CFLAR: variants seen among roughly 807,000 people sequenced by gnomAD.
The protein encoded by CFLAR is CASP8 and FADD like apoptosis regulator, also known as CASP8 and FADD-like apoptosis regulator.
CFLAR carries 14 observed loss-of-function variants against 51.1 expected under a neutral mutation model. The ratio of observed to expected loss-of-function variants is 0.27; its 90% confidence interval spans 0.18 to 0.43. The LOEUF (loss-of-function observed/expected upper bound fraction) is 0.43, where lower values mean the gene tolerates loss of function less well. Among genes scored for constraint, CFLAR ranks in the 20% least tolerant of loss-of-function variants. The pLI is 1.00. For missense variants in CFLAR, 390 were observed against 566.5 expected (o/e 0.69, Z 3.16); for synonymous variants, 210 against 211.6 (o/e 0.99, Z 0.06).
In CFLAR at chr2:201,171,612, G is replaced by A. The variant is rs1479644514; in HGVS notation, c.*7639G>A. On this transcript the variant is annotated 3_prime_UTR_variant, in exon 10 of 10. Coordinates refer to ENST00000309955, the MANE Select transcript of CFLAR (RefSeq NM_003879.7). ...ACCACCATGGGACACGTTTACCTAT[G>A]TAACAAACCCGCACATCCTGCACTT... is the stretch of plus-strand genomic sequence containing the variant. The A allele has an allele frequency of 6.6e-6, 1 of 150,888 alleles. No homozygotes were observed. Among genetic ancestry groups the A allele is most frequent in the Non-Finnish European group, 1.5e-5 (1 of 67,896 alleles). 9.3% of individuals were successfully genotyped at this position (150,888 alleles called of 1,614,324 possible).
rs1378711700 is a variant in CFLAR at position 201,170,491 on chromosome 2, T to G, written c.*6518T>G. On this transcript the variant is annotated 3_prime_UTR_variant, in exon 10 of 10. Transcript: ENST00000309955. ...ACTGTTTTATTCACTTGCTGATAAT[T>G]CAGCCTAATCCAGTTTGACATCATA... 6.6e-6 allele frequency: 1 copy of G among 152,252 alleles called. No individual in the cohort carries two copies. Among genetic ancestry groups the G allele is most frequent in the Admixed American group, 6.5e-5 (1 of 15,282 alleles). 9.4% of individuals were successfully genotyped at this position (152,252 alleles called of 1,614,324 possible).
chr2:201,169,515 C>A lies in CFLAR; in HGVS notation c.*5542C>A, dbSNP rs113060487. ...AACTATAAAAACCCTAGAAGAAAAT[C>A]TATTTAATACCATTCAAGACATAGG... On this transcript the variant is annotated 3_prime_UTR_variant, in exon 10 of 10. Transcript: ENST00000309955. 0.015 allele frequency: 2,252 copies of A among 152,252 alleles called. 30 individuals are homozygous for A. Among genetic ancestry groups the A allele is most frequent in the Middle Eastern group, 0.044 (13 of 294 alleles). 9.4% of individuals were successfully genotyped at this position (152,252 alleles called of 1,614,324 possible). A position where few individuals can be genotyped will look rare whatever the true frequency, so the allele number is the denominator to read the frequency against.
chr2:201,143,188 A>G (rs1464780035), intron 5 of CFLAR, among the ~76,000 whole-genome samples: 1 of 152,184 alleles, frequency 6.6e-6, no homozygotes, highest in African/African-American at 2.4e-5. Flanking sequence ...TATATTTAAT[A>G]TGTGACCCTA....
rs1284910418 is a variant in CFLAR, at chr2:201,153,197, T to A, written c.793+3362T>A. Reference sequence around the variant, plus strand: ...AATCAGTAATTGGGCTTGAGGCCACTTATAAACCCCCCTGGGCTCAGGTGG... The same window carrying A: ...AATCAGTAATTGGGCTTGAGGCCACATATAAACCCCCCTGGGCTCAGGTGG... On this transcript the variant is annotated intron_variant, in intron 8 of 9. Transcript: ENST00000309955. 7 of 152,336 alleles carry A rather than the reference T, an allele frequency of 4.6e-5. No individual in the cohort carries two copies. The East Asian group carries it at 1.3e-3, about 29-fold the overall frequency. 9.4% of individuals were successfully genotyped at this position (152,336 alleles called of 1,614,324 possible). A position where few individuals can be genotyped will look rare whatever the true frequency, so the allele number is the denominator to read the frequency against.
At chr2:201,136,706 G>C (rs1575688614) in intron 4 of CFLAR, 2 of 689,090 alleles carry the variant, frequency 2.9e-6, no homozygotes, top group East Asian at 6.2e-5. Flanking sequence ...GCATGGCTGA[G>C]ACTCATTGAT....
At chr2:201,135,555 AGG>A (rs1251251012) in intron 3 of CFLAR, among the ~76,000 whole-genome samples, 1 of 152,204 alleles carries the variant, frequency 6.6e-6, no homozygotes, top group Non-Finnish European at 1.5e-5. Context: ...GGTCACTGAA[AGG>A]GCTCATCTTG....
rs1940757566 is a variant in CFLAR at position 201,148,846 on chromosome 2, G to A, written c.662-157G>A. ...TCTTATGTCACTTTCTTCAGTGTGA[G>A]GTTGAAACCTTGGGGCCAAGTATAG... On this transcript the variant is annotated intron_variant, in intron 6 of 9. Transcript: ENST00000309955. The A allele has an allele frequency of 6.9e-6, 4 of 581,358 alleles. No homozygotes were observed. The Admixed American group carries it at 8.7e-5, about 13-fold the overall frequency. 36.0% of individuals were successfully genotyped at this position (581,358 alleles called of 1,614,324 possible).
chr2:201,120,360 C>A (rs1161712358), intron 1 of CFLAR, among the ~76,000 whole-genome samples: 1 of 152,098 alleles, frequency 6.6e-6, no homozygotes, highest in Non-Finnish European at 1.5e-5. Context: ...GTCTCCACTT[C>A]TAGCCACTTT....
intron 9 of CFLAR, chr2:201,162,857 G>A: frequency 1.7e-6 from 1 of 578,874 alleles, no homozygotes; most frequent in Non-Finnish European, 3.1e-6. Context: ...TTTAATGTAT[G>A]CACAATAGCC....
At chr2:201,136,608 A>G (rs939237328) in intron 4 of CFLAR, 1 of 1,436,994 alleles carries the variant, frequency 7.0e-7, no homozygotes, top group Non-Finnish European at 9.1e-7. Context: ...CTTCTGCTTT[A>G]CTTGCATTCC....
In CFLAR at chr2:201,170,342, T is replaced by A. The variant is rs1013391427; in HGVS notation, c.*6369T>A. ...TCTTTTAATTGGTTATTACTGAACG[T>A]GAAAAAGTAATGTTTGTATTGAAAT... On this transcript the variant is annotated 3_prime_UTR_variant, in exon 10 of 10. Coordinates refer to ENST00000309955, the MANE Select transcript of CFLAR (RefSeq NM_003879.7). 2.6e-5 allele frequency: 4 copies of A among 152,188 alleles called. No homozygotes were observed. The highest frequency in any genetic ancestry group is 1.3e-4 in the Admixed American group (2 of 15,282). 9.4% of individuals were successfully genotyped at this position (152,188 alleles called of 1,614,324 possible). A position where few individuals can be genotyped will look rare whatever the true frequency, so the allele number is the denominator to read the frequency against.
Position 201,174,023 on chromosome 2 carries a change from C to T in CFLAR, c.*10050C>T, listed in dbSNP as rs966461397. ...AGCATTCTTTTTAATATTCTGGATA[C>T]TAGTTTCTTATCAGGTACAATCTTT... On this transcript the variant is annotated 3_prime_UTR_variant, in exon 10 of 10. Transcript: ENST00000309955. 9 of 152,200 alleles carry T rather than the reference C, an allele frequency of 5.9e-5. No individual in the cohort carries two copies. Among genetic ancestry groups the T allele is most frequent in the Non-Finnish European group, 1.0e-4 (7 of 68,038 alleles). The allele number at this position is 152,200 out of a possible 1,614,324, so 9.4% of individuals were successfully genotyped here. A position where few individuals can be genotyped will look rare whatever the true frequency, so the allele number is the denominator to read the frequency against.
intron 8 of CFLAR, 44 bp downstream of exon 8, chr2:201,149,879 A>G (rs1176309180): frequency 7.1e-7 from 1 of 1,413,030 alleles, no homozygotes; most frequent in Admixed American, 1.7e-5. Flanking sequence ...CCAGATTGAG[A>G]TCATGGCACA....
At chr2:201,130,442 A>G (rs1158511253) in intron 2 of CFLAR, among the ~76,000 whole-genome samples, 6 of 140,318 alleles carry the variant, frequency 4.3e-5, no homozygotes, top group African/African-American at 1.6e-4. Flanking sequence ...GCTCACTGCA[A>G]CCTCCGCCTT....
intron 1 of CFLAR, chr2:201,122,802 A>C (rs1434624949): frequency 2.6e-5 from 4 of 152,382 alleles, no homozygotes; most frequent in Non-Finnish European, 5.9e-5. Context: ...TGCTTGAGTG[A>C]AGTTGCTGGG....
intron 4 of CFLAR, chr2:201,136,581 A>G (rs2050161303): frequency 6.2e-6 from 9 of 1,451,030 alleles, no homozygotes; most frequent in Non-Finnish European, 6.3e-6. Context: ...GATAAAAGGG[A>G]CCAGATTCAC....
At chr2:201,161,905 C>T (rs938999856) in intron 9 of CFLAR, among the ~76,000 whole-genome samples, 2 of 151,720 alleles carry the variant, frequency 1.3e-5, no homozygotes, top group African/African-American at 4.8e-5. Flanking sequence ...CGCCATCACA[C>T]CTGGCTAATT....
Position 201,160,591 on chromosome 2 carries a change from C to T in CFLAR, c.953C>T (p.Ser318Phe). 1 of 1,613,986 alleles carries T rather than the reference C, an allele frequency of 6.2e-7. No individual in the cohort carries two copies. Among genetic ancestry groups the T allele is most frequent in the South Asian group, 1.1e-5 (1 of 91,058 alleles). ...FVCVLVSRGG[S>F]QSVYGVDQTH... ...TGTGTCCTGGTGAGCCGAGGAGGCTCCCAGAGTGTGTATGGTGTGGATCAG... is the reference window on the plus strand; with the variant it reads ...TGTGTCCTGGTGAGCCGAGGAGGCTTCCAGAGTGTGTATGGTGTGGATCAG... Residue 318 changes from serine (S) to phenylalanine (F), a missense_variant, in exon 9 of 10, where the codon TCC (serine) becomes TTC (phenylalanine). By Grantham distance (155) the Ser-to-Phe change is radical. Coordinates refer to ENST00000309955, the MANE Select transcript of CFLAR (RefSeq NM_003879.7).
intron 8 of CFLAR, among the ~76,000 whole-genome samples, chr2:201,158,170 G>A (rs1031156081): frequency 3.3e-5 from 5 of 152,206 alleles, no homozygotes; most frequent in African/African-American, 1.2e-4. Context: ...CCTAGTAGGA[G>A]GAGATGGAGG....
Sources: gnomAD v4.1 joint callset for allele counts (sites outside exome capture counted in the v4.1 genomes callset) on GRCh38, gnomAD v4.1.1 for gene constraint, MANE v1.5 for transcripts, NCBI Gene and HGNC (gene_info 2026-07-23, HGNC 2026-07-21) for gene names.